TRPM3: variants seen among roughly 807,000 people sequenced by gnomAD.
TRPM3 encodes the protein long transient receptor potential channel 3.
In TRPM3, 77 loss-of-function variants were observed where a neutral mutation model predicts 181.2. The ratio of observed to expected loss-of-function variants is 0.42; its 90% CI spans 0.35 to 0.51. The LOEUF is 0.51. Ranked by LOEUF, TRPM3 falls within the 20% of genes least tolerant of loss-of-function variation. The pLI is 0.01. For missense variants in TRPM3, 1,759 were observed against 2,196.7 expected (o/e 0.80, Z 3.98); for synonymous variants, 745 against 796.4 (o/e 0.94, Z 1.09).
At chr9:71,120,036 A>G (rs897957919) in intron 1 of TRPM3, among the ~76,000 whole-genome samples, 2 of 152,200 alleles carry the variant, frequency 1.3e-5, no homozygotes, top group Non-Finnish European at 2.9e-5. Flanking sequence ...GGCAAGGGGT[A>G]ATACTCTGTT....
At chr9:70,770,927 T>G (rs1013670682) in intron 7 of TRPM3, among the ~76,000 whole-genome samples, 1 of 152,144 alleles carries the variant, frequency 6.6e-6, no homozygotes, top group Non-Finnish European at 1.5e-5. Flanking sequence ...ATGGGGGAGA[T>G]AGATTTCAGT....
intron 1 of TRPM3, among the ~76,000 whole-genome samples, chr9:71,217,935 C>T (rs781724009): frequency 2.4e-4 from 36 of 152,088 alleles, no homozygotes; most frequent in East Asian, 7.7e-4. Context: ...TGGAAAAGAC[C>T]GAATCACTGT....
At chr9:71,128,056 C>G (rs1203873213) in intron 1 of TRPM3, among the ~76,000 whole-genome samples, 1 of 152,144 alleles carries the variant, frequency 6.6e-6, no homozygotes, top group Non-Finnish European at 1.5e-5. Context: ...CAAAGCAAAA[C>G]AAAACACCTT....
intron 1 of TRPM3, among the ~76,000 whole-genome samples, chr9:71,163,895 A>C (rs143757775): frequency 3.2e-3 from 494 of 152,348 alleles, no homozygotes; most frequent in Non-Finnish European, 5.8e-3. Flanking sequence ...TATCAGAATT[A>C]TCAAGAACTA....
At chr9:71,159,786 G>A (rs550803180) in intron 1 of TRPM3, among the ~76,000 whole-genome samples, 6 of 152,038 alleles carry the variant, frequency 3.9e-5, no homozygotes, top group African/African-American at 1.4e-4. Flanking sequence ...GATTTATGAG[G>A]TTGAATAAAA....
chr9:71,064,870 C>T (rs922596206), intron 1 of TRPM3, among the ~76,000 whole-genome samples: 1 of 152,040 alleles, frequency 6.6e-6, no homozygotes, highest in African/African-American at 2.4e-5. Context: ...TTCTTATTAG[C>T]CCAGAAACTC....
chr9:70,952,849 A>C (rs2097019731), intron 1 of TRPM3, among the ~76,000 whole-genome samples: 1 of 152,190 alleles, frequency 6.6e-6, no homozygotes, highest in Non-Finnish European at 1.5e-5. Flanking sequence ...AAAATCAGGG[A>C]GAGCCTCTGA....
chr9:70,972,083 G>A (rs749848311), intron 1 of TRPM3, among the ~76,000 whole-genome samples: 3 of 152,124 alleles, frequency 2.0e-5, no homozygotes, highest in African/African-American at 4.8e-5. Flanking sequence ...CTTTTCCGAG[G>A]CATATATCTA....
chr9:70,655,579 G>A (rs548091241), intron 9 of TRPM3, among the ~76,000 whole-genome samples: 2 of 152,158 alleles, frequency 1.3e-5, no homozygotes, highest in East Asian at 3.9e-4. Context: ...AAAAGCTATA[G>A]GATCTTTGTG....
At chr9:70,604,318 A>C (rs2060608480) in intron 19 of TRPM3, among the ~76,000 whole-genome samples, 1 of 152,172 alleles carries the variant, frequency 6.6e-6, no homozygotes, top group Non-Finnish European at 1.5e-5. Flanking sequence ...CTCTTGCATA[A>C]GGGGCTGAGG....
chr9:70,858,942 G>A (rs545348573), intron 3 of TRPM3, among the ~76,000 whole-genome samples: 9 of 152,216 alleles, frequency 5.9e-5, no homozygotes, highest in South Asian at 4.2e-4. Flanking sequence ...GGTCAGGGGC[G>A]GGTATGTACC....
At chr9:70,946,290 G>C (rs1184719992) in intron 1 of TRPM3, among the ~76,000 whole-genome samples, 2 of 151,954 alleles carry the variant, frequency 1.3e-5, no homozygotes, top group East Asian at 3.9e-4. Context: ...AAGATGTTGA[G>C]TTTTTAAGGA....
At chr9:70,909,718 A>G (rs111902924) in intron 1 of TRPM3, among the ~76,000 whole-genome samples, 250 of 152,362 alleles carry the variant, frequency 1.6e-3, no homozygotes, top group Non-Finnish European at 2.9e-3. Flanking sequence ...GCCAATAAAC[A>G]TATATAAGAT....
At chr9:71,373,756 A>G (rs1320417813) in intron 1 of TRPM3, among the ~76,000 whole-genome samples, 2 of 151,984 alleles carry the variant, frequency 1.3e-5, no homozygotes, top group African/African-American at 4.8e-5. Flanking sequence ...AAAAGGAGGG[A>G]CTCTTCCCTT....
At chr9:70,747,469 G>C (rs371859118) in intron 8 of TRPM3, among the ~76,000 whole-genome samples, 2 of 152,100 alleles carry the variant, frequency 1.3e-5, no homozygotes, top group African/African-American at 4.8e-5. Context: ...ATGGAATTTT[G>C]GACTGAAACT....
chr9:71,233,688 A>C (rs138444289), intron 1 of TRPM3, among the ~76,000 whole-genome samples: 2 of 152,360 alleles, frequency 1.3e-5, no homozygotes, highest in Non-Finnish European at 2.9e-5. Flanking sequence ...AATCATAGTT[A>C]AATAAATTGT....
In TRPM3 at chr9:71,090,895, G is replaced by A. The variant is rs35294701; in HGVS notation, c.177+30283C>T. ...ACTTAAAAAATGTTAGGTACTATTA[G>A]TAATACAATCAGTCATATGTAGTGA... On this transcript the variant is annotated intron_variant, in intron 1 of 25. Transcript: ENST00000677713. 3.7e-3 allele frequency among the ~76,000 whole-genome samples: 556 copies of A among 152,230 alleles called. 1 individual carries two copies. The highest frequency in any genetic ancestry group is 5.7e-3 in the Non-Finnish European group (387 of 68,008).
At chr9:71,179,301 G>T (rs1392232217) in intron 1 of TRPM3, among the ~76,000 whole-genome samples, 1 of 152,046 alleles carries the variant, frequency 6.6e-6, no homozygotes, top group Non-Finnish European at 1.5e-5. Flanking sequence ...TATTAAAACG[G>T]GCAGGGAAAA....
At chr9:71,369,349 A>G (rs2092438236) in intron 1 of TRPM3, among the ~76,000 whole-genome samples, 1 of 152,196 alleles carries the variant, frequency 6.6e-6, no homozygotes, top group Admixed American at 6.5e-5. Context: ...GATATAAGAA[A>G]CTTTATGACA....
Sources: allele counts gnomAD v4.1 joint callset (sites outside exome capture counted in the v4.1 genomes callset), GRCh38; gene constraint gnomAD v4.1.1; transcripts MANE v1.5; gene names NCBI Gene and HGNC (gene_info 2026-07-23, HGNC 2026-07-21).